STK10: variants seen among roughly 807,000 people sequenced by gnomAD.
The protein encoded by STK10 is serine/threonine kinase 10.
In STK10, 78 loss-of-function variants were observed where a neutral mutation model predicts 113.8. The observed-to-expected ratio is 0.69, with a 90% CI of 0.57 to 0.83. STK10 has a LOEUF of 0.83. Among genes scored for constraint, STK10 ranks in the 40% least tolerant of loss-of-function variants. The pLI is 0.00. For synonymous variants in STK10, 465 were observed against 494.7 expected (o/e 0.94, Z 0.80); for missense variants, 1,109 against 1,280.1 (o/e 0.87, Z 2.04).
intron 9 of STK10, among the ~76,000 whole-genome samples, chr5:172,090,930 G>A (rs989470439): frequency 4.7e-4 from 49 of 103,352 alleles, no homozygotes; most frequent in African/African-American, 2.1e-3. Flanking sequence ...GCTAGACTCC[G>A]TCTCTAAAAA....
intron 1 of STK10, among the ~76,000 whole-genome samples, chr5:172,161,715 C>A (rs1404722343): frequency 6.6e-6 from 1 of 152,152 alleles, no homozygotes; most frequent in Non-Finnish European, 1.5e-5. Flanking sequence ...CATTTATCTC[C>A]TGGATCACCC....
chr5:172,118,080 C>A (rs1446066226), intron 3 of STK10, among the ~76,000 whole-genome samples: 1 of 150,556 alleles, frequency 6.6e-6, no homozygotes, highest in Non-Finnish European at 1.5e-5. Flanking sequence ...CATTTCTAAG[C>A]ACATCATGTG....
At chr5:172,048,596 C>A (rs1029349562) in intron 18 of STK10, among the ~76,000 whole-genome samples, 3 of 151,900 alleles carry the variant, frequency 2.0e-5, no homozygotes, top group African/African-American at 4.9e-5. Flanking sequence ...TGGACAAATT[C>A]CCCCAACCTC....
intron 1 of STK10, among the ~76,000 whole-genome samples, chr5:172,179,274 C>A (rs551370907): frequency 2.0e-5 from 3 of 152,276 alleles, no homozygotes; most frequent in Non-Finnish European, 4.4e-5. Flanking sequence ...AGGTGGTCAC[C>A]TATTTGGGGT....
rs139973473 is a variant in STK10 at position 172,105,670 on chromosome 5, C to A, written c.856G>T (p.Ala286Ser). Residue 286 changes from alanine to serine, a missense_variant, in exon 7 of 19, where the codon GCG becomes TCG. Ala to Ser is a moderately conservative substitution (Grantham distance 99, BLOSUM62 1). Around this residue, in one of 5 missense-constraint regions of STK10, gnomAD observed 885 missense variants for 991.1 expected, o/e 0.89. Coordinates refer to ENST00000176763, the MANE Select transcript of STK10 (RefSeq NM_005990.4). The stretch of plus-strand genomic sequence containing the variant: ...AATCCACTCACCTCCAGCAGCTGCG[C>A]GGCACTGGGTCGGGTTTCTGGGTTC... ...DKNPETRPSA[A>S]QLLEHPFVSS... 4.3e-6 allele frequency: 7 copies of A among 1,613,796 alleles called. No homozygotes were observed. Among genetic ancestry groups the A allele is most frequent in the Non-Finnish European group, 5.9e-6 (7 of 1,179,994 alleles).
chr5:172,161,575 T>C (rs528478703), intron 1 of STK10, among the ~76,000 whole-genome samples: 29 of 152,272 alleles, frequency 1.9e-4, no homozygotes, highest in Non-Finnish European at 4.0e-4. Flanking sequence ...AGCTGCAAAG[T>C]CCCCAGGATC....
At chr5:172,085,138 A>G (rs1426689762) in intron 10 of STK10, among the ~76,000 whole-genome samples, 1 of 152,004 alleles carries the variant, frequency 6.6e-6, no homozygotes, top group East Asian at 1.9e-4. Flanking sequence ...CCAGCTACTT[A>G]AAAGGCTGAG....
At chr5:172,081,977 C>T (rs1561799324) in intron 12 of STK10, among the ~76,000 whole-genome samples, 1 of 152,154 alleles carries the variant, frequency 6.6e-6, no homozygotes, top group Non-Finnish European at 1.5e-5. Flanking sequence ...AGCACCCACT[C>T]GCCCTTCTGG....
intron 12 of STK10, among the ~76,000 whole-genome samples, chr5:172,071,318 T>A (rs1359862234): frequency 9.6e-5 from 2 of 20,752 alleles, no homozygotes; most frequent in Non-Finnish European, 9.9e-5. Context: ...AATAGATAAC[T>A]AAAACTGAGG....
chr5:172,185,505 G>A (rs1197578913), intron 1 of STK10, among the ~76,000 whole-genome samples: 4 of 152,150 alleles, frequency 2.6e-5, no homozygotes, highest in African/African-American at 9.7e-5. Flanking sequence ...CTGACCTCAT[G>A]ATCTGCCTGC....
intron 1 of STK10, among the ~76,000 whole-genome samples, chr5:172,179,656 T>C (rs1461096615): frequency 5.3e-5 from 8 of 152,112 alleles, no homozygotes; most frequent in Non-Finnish European, 1.2e-4. Context: ...CAGACCCCCT[T>C]GGATGAGGGC....
chr5:172,147,255 TC>T (rs1220312934), intron 2 of STK10, among the ~76,000 whole-genome samples: 1 of 152,158 alleles, frequency 6.6e-6, no homozygotes, highest in African/African-American at 2.4e-5. Context: ...GTCCAGAGGT[TC>T]CCTGAACCCT....
chr5:172,156,518 T>C, intron 2 of STK10, 106 bp downstream of exon 2: 1 of 1,414,362 alleles, frequency 7.1e-7, no homozygotes, highest in Non-Finnish European at 9.4e-7. Flanking sequence ...CTAGCCCTCG[T>C]CCTCAAAGCA....
chr5:172,052,105 G>A (rs374739096), intron 18 of STK10, among the ~76,000 whole-genome samples: 1 of 152,148 alleles, frequency 6.6e-6, no homozygotes, highest in African/African-American at 2.4e-5. Context: ...AGGCTATCCC[G>A]TGACCCTGAT....
chr5:172,050,406 C>T (rs1767602025), intron 18 of STK10, among the ~76,000 whole-genome samples: 1 of 152,142 alleles, frequency 6.6e-6, no homozygotes, highest in African/African-American at 2.4e-5. Context: ...TAAAAAACAA[C>T]TCACAACTGG....
At position 172,093,293 on chromosome 5, in the gene STK10, C is replaced by T. The variant is rs753887405; in HGVS notation, c.1554+119G>A. ...TTAAACTATGAGTCAAACCCAAAAC[C>T]CCCTAATGAACCACTTAAAATGCAA... On this transcript the variant is annotated intron_variant, in intron 9 of 18. Coordinates refer to ENST00000176763, the MANE Select transcript of STK10 (RefSeq NM_005990.4). This position sits in a 1 kb window ranked among gnomAD's most constrained non-coding sequence, Gnocchi z 4.1. 26 of 1,087,440 alleles carry T rather than the reference C, an allele frequency of 2.4e-5. No homozygotes were observed. The highest frequency in any genetic ancestry group is 3.3e-5 in the Non-Finnish European group (25 of 759,060). The allele number at this position is 1,087,440 out of a possible 1,614,324, so 67.4% of individuals were successfully genotyped here.
chr5:172,079,013 G>A (rs4128791), intron 12 of STK10, among the ~76,000 whole-genome samples: 19,573 of 152,022 alleles, frequency 0.13, 1,387 homozygotes, highest in Non-Finnish European at 0.16. Context: ...CAGAGCCAAG[G>A]AGGGAATGGG....
At chr5:172,075,615 G>A (rs915825293) in intron 12 of STK10, among the ~76,000 whole-genome samples, 2 of 152,174 alleles carry the variant, frequency 1.3e-5, no homozygotes, top group African/African-American at 4.8e-5. Context: ...AGGTGGTGGA[G>A]GTTGCAGTGA....
At chr5:172,140,192 A>G (rs1769945119) in intron 2 of STK10, among the ~76,000 whole-genome samples, 3 of 152,228 alleles carry the variant, frequency 2.0e-5, no homozygotes, top group Admixed American at 2.0e-4. Context: ...AAAGATGCTC[A>G]ACATCACTAA....
Sources: gnomAD v4.1 joint callset for allele counts (sites outside exome capture counted in the v4.1 genomes callset) on GRCh38, gnomAD v4.1.1 for gene constraint, gnomAD v4.1.1 regional missense constraint, Gnocchi (gnomAD v3.1) non-coding constraint, MANE v1.5 for transcripts, NCBI Gene and HGNC (gene_info 2026-07-23, HGNC 2026-07-21) for gene names.